DNAAF4: variants seen among roughly 807,000 people sequenced by gnomAD.
DNAAF4 encodes dynein assembly factor 4, axonemal.
Under a neutral mutation model 51.8 loss-of-function variants are expected in DNAAF4, and 43 were observed. The observed-to-expected ratio is 0.83, with a 90% confidence interval of 0.65 to 1.07. The LOEUF (loss-of-function observed/expected upper bound fraction) is 1.07. DNAAF4 is among the 50% of genes least tolerant of loss of function. DNAAF4 has a pLI of 0.00. For missense variants in DNAAF4, 581 were observed against 493.0 expected, an observed-to-expected ratio of 1.18 and a Z score of -1.69; for synonymous variants, 194 against 165.6, an observed-to-expected ratio of 1.17 and a Z score of -1.32.
intron 4 of DNAAF4, among the ~76,000 whole-genome samples, chr15:55,478,432 G>C (rs569176413): frequency 6.6e-6 from 1 of 152,282 alleles, no homozygotes; most frequent in South Asian, 2.1e-4. Context: ...TGCAGACAAC[G>C]TTCTGGACCA....
intron 6 of DNAAF4, among the ~76,000 whole-genome samples, chr15:55,449,109 C>A (rs533347354): frequency 6.6e-5 from 10 of 150,436 alleles, no homozygotes; most frequent in African/African-American, 2.2e-4. Flanking sequence ...CCTGCCTCAG[C>A]CTCCCGAGTA....
intron 6 of DNAAF4, 75 bp downstream of exon 6, chr15:55,450,147 T>C: frequency 6.9e-7 from 1 of 1,441,434 alleles, no homozygotes; most frequent in Non-Finnish European, 9.3e-7. Context: ...TCAGAACCAG[T>C]ACTAATTTCA....
At chr15:55,458,476 A>G (rs1342270992) in intron 5 of DNAAF4, among the ~76,000 whole-genome samples, 1 of 152,154 alleles carries the variant, frequency 6.6e-6, no homozygotes, top group African/African-American at 2.4e-5. Flanking sequence ...AACGAACCCA[A>G]TCCAACAAAG....
chr15:55,455,364 G>C (rs1216233639), intron 5 of DNAAF4, among the ~76,000 whole-genome samples: 2 of 136,032 alleles, frequency 1.5e-5, no homozygotes, highest in African/African-American at 5.7e-5. Flanking sequence ...TGTGACAACT[G>C]CTTATAAAAT....
At chr15:55,442,931 G>A in intron 6 of DNAAF4, 1 of 1,611,132 alleles carries the variant, frequency 6.2e-7, no homozygotes, top group Admixed American at 1.7e-5. Flanking sequence ...TCTAGGTAAG[G>A]GACTCCTTGA....
chr15:55,445,520 C>T (rs923949162), intron 6 of DNAAF4, among the ~76,000 whole-genome samples: 2 of 152,120 alleles, frequency 1.3e-5, no homozygotes, highest in Non-Finnish European at 2.9e-5. Flanking sequence ...AAACCGCCAT[C>T]GTCATCATGG....
chr15:55,421,663 G>A (rs1483720641), intron 7 of DNAAF4, among the ~76,000 whole-genome samples: 1 of 151,858 alleles, frequency 6.6e-6, no homozygotes, highest in East Asian at 1.9e-4. Context: ...GAGGCAGGCA[G>A]ATCACCTAAG....
intron 4 of DNAAF4, among the ~76,000 whole-genome samples, chr15:55,472,012 G>C (rs1019090751): frequency 6.6e-6 from 1 of 151,490 alleles, no homozygotes; most frequent in Non-Finnish European, 1.5e-5. Context: ...TCTAATTTTT[G>C]TATTTTTAGT....
At chr15:55,417,971 G>T in exon 8 of DNAAF4, 4 of 652,790 alleles carry the variant, frequency 6.1e-6, no homozygotes, top group Non-Finnish European at 1.0e-5. Context: ...AATTTCACAA[G>T]GTAATGTCAT....
intron 6 of DNAAF4, chr15:55,443,273 C>T: frequency 1.3e-6 from 2 of 1,557,966 alleles, no homozygotes; most frequent in Middle Eastern, 1.7e-4. Flanking sequence ...GGTTGCGGCT[C>T]ACTACCCGGC....
intron 4 of DNAAF4, among the ~76,000 whole-genome samples, chr15:55,485,262 G>A (rs1227972642): frequency 6.6e-6 from 1 of 152,112 alleles, no homozygotes; most frequent in Non-Finnish European, 1.5e-5. Context: ...GAAGAGGAAT[G>A]AGATGAAAGA....
At chr15:55,428,168 GCTCT>G (rs1193635320), downstream of DNAAF4, among the ~76,000 whole-genome samples, 1 of 151,834 alleles carries the variant, frequency 6.6e-6, no homozygotes, top group Non-Finnish European at 1.5e-5. Flanking sequence ...TGGCCAGGCT[GCTCT>G]CTAACTCCTG....
At chr15:55,422,241 T>C (rs1378338399) in intron 7 of DNAAF4, among the ~76,000 whole-genome samples, 2 of 151,966 alleles carry the variant, frequency 1.3e-5, no homozygotes, top group South Asian at 2.1e-4. Context: ...TTTAGGTAGG[T>C]GGAAAGGGAA....
intron 4 of DNAAF4, among the ~76,000 whole-genome samples, chr15:55,473,702 T>G (rs1252644034): frequency 1.3e-5 from 2 of 152,034 alleles, no homozygotes; most frequent in East Asian, 3.9e-4. Context: ...GACGAAATAT[T>G]AGAAATAGCC....
intron 7 of DNAAF4, among the ~76,000 whole-genome samples, chr15:55,436,385 T>A (rs1054091673): frequency 2.0e-5 from 3 of 152,130 alleles, no homozygotes; most frequent in Non-Finnish European, 4.4e-5. Flanking sequence ...TATTATTTTT[T>A]TAATTATTAT....
intron 6 of DNAAF4, among the ~76,000 whole-genome samples, chr15:55,443,721 T>G (rs1318566602): frequency 6.6e-6 from 1 of 152,220 alleles, no homozygotes; most frequent in African/African-American, 2.4e-5. Context: ...GTTTCCTGAC[T>G]TTTTAATGAT....
At chr15:55,438,748 A>G (rs1045746651) in intron 7 of DNAAF4, among the ~76,000 whole-genome samples, 3 of 151,810 alleles carry the variant, frequency 2.0e-5, no homozygotes, top group South Asian at 2.1e-4. Context: ...TTGCACCACT[A>G]CACTCCAGCC....
At chr15:55,445,476 C>CG (rs2057783976) in intron 6 of DNAAF4, among the ~76,000 whole-genome samples, 1 of 152,174 alleles carries the variant, frequency 6.6e-6, no homozygotes, top group Non-Finnish European at 1.5e-5. Flanking sequence ...ATCTCTCTTT[C>CG]TTTTCCCCAA....
intron 1 of DNAAF4, among the ~76,000 whole-genome samples, chr15:55,504,348 A>G (rs1177058689): frequency 6.6e-6 from 1 of 152,206 alleles, no homozygotes; most frequent in African/African-American, 2.4e-5. Flanking sequence ...CCTACTGCCC[A>G]AGGTAATTTA....
Sources: gnomAD v4.1 joint callset for allele counts (sites outside exome capture counted in the v4.1 genomes callset) on GRCh38, gnomAD v4.1.1 for gene constraint, MANE v1.5 for transcripts, NCBI Gene and HGNC (gene_info 2026-07-23, HGNC 2026-07-21) for gene names.